TASOR: variants seen among roughly 807,000 people sequenced by gnomAD.
The protein encoded by TASOR is transcription activation suppressor.
TASOR carries 53 observed loss-of-function variants against 178.6 expected under a neutral mutation model. That is an observed-to-expected ratio of 0.30 (90% CI 0.24 to 0.37). TASOR has a LOEUF of 0.37. Among genes scored for constraint, TASOR ranks in the 10% least tolerant of loss-of-function variants. The pLI is 1.00. For missense variants in TASOR, 1,815 were observed against 1,971.4 expected, an observed-to-expected ratio of 0.92 and a Z score of 1.50; for synonymous variants, 713 against 696.2, an observed-to-expected ratio of 1.02 and a Z score of -0.38.
In TASOR at chr3:56,628,644, T is replaced by TA. The variant is rs775226109; in HGVS notation, c.3748-31dup. On this transcript the variant is annotated intron_variant, in intron 18 of 23. Coordinates refer to ENST00000683822, the MANE Select transcript of TASOR (RefSeq NM_001365635.2). ...TAAAGAAAAACAACTAAATCAATAT[T>TA]AAAATACTTCTTTGTAAACATCAAT... 9 of 1,417,786 alleles carry TA rather than the reference T, an allele frequency of 6.3e-6. No homozygotes were observed. The African/African-American group carries it at 1.3e-4, about 20-fold the overall frequency. The allele number at this position is 1,417,786 out of a possible 1,614,324, so 87.8% of individuals were successfully genotyped here. A position where few individuals can be genotyped will look rare whatever the true frequency, so the allele number is the denominator to read the frequency against.
Position 56,663,161 on chromosome 3 carries a change from C to T in TASOR, c.1054+380G>A, listed in dbSNP as rs138937410. Among the ~76,000 whole-genome samples, 1,023 of 151,816 alleles carry T rather than the reference C, an allele frequency of 6.7e-3. 9 individuals are homozygous for T. The highest frequency in any genetic ancestry group is 0.021 in the African/African-American group (877 of 41,404). On this transcript the variant is annotated intron_variant, in intron 8 of 23. Coordinates refer to ENST00000683822, the MANE Select transcript of TASOR (RefSeq NM_001365635.2). The stretch of plus-strand genomic sequence containing the variant: ...TCACGCCACTGCACCCCAGCCTGGG[C>T]GAGAGTAAGACTCTGTCTCAGAAAA...
intron 17 of TASOR, among the ~76,000 whole-genome samples, chr3:56,636,028 G>A (rs1336729456): frequency 6.6e-6 from 1 of 151,990 alleles, no homozygotes; most frequent in Non-Finnish European, 1.5e-5. Context: ...AACTGCTCAG[G>A]CACAGTGGCT....
At chr3:56,681,763 C>G (rs1406017984) in intron 1 of TASOR, among the ~76,000 whole-genome samples, 1 of 152,116 alleles carries the variant, frequency 6.6e-6, no homozygotes, top group Non-Finnish European at 1.5e-5. Context: ...TAACAAAAAA[C>G]GATACTAATT....
intron 17 of TASOR, 45 bp downstream of exon 17, chr3:56,638,661 T>A: frequency 6.2e-7 from 1 of 1,606,514 alleles, no homozygotes; most frequent in Non-Finnish European, 8.5e-7. Flanking sequence ...GTAGCAACTC[T>A]GAAGAAGGGC....
In TASOR at chr3:56,645,996, A is replaced by C. The variant is rs967999673; in HGVS notation, c.2215+526T>G. On this transcript the variant is annotated intron_variant, in intron 14 of 23. Coordinates refer to ENST00000683822, the MANE Select transcript of TASOR (RefSeq NM_001365635.2). ...ACCCCGTCTCTACTAAAAATACAAA[A>C]AATTAGCCGGGCATGGTGGCAGGCG... 2.0e-5 allele frequency among the ~76,000 whole-genome samples: 3 copies of C among 152,074 alleles called. No individual in the cohort carries two copies. The South Asian group carries it at 6.2e-4, about 31-fold the overall frequency.
chr3:56,656,782 C>G (rs570014873), intron 11 of TASOR, among the ~76,000 whole-genome samples: 3 of 151,882 alleles, frequency 2.0e-5, no homozygotes, highest in Non-Finnish European at 4.4e-5. Context: ...GAGGTCGAGG[C>G]AGGCAGATGA....
At chr3:56,667,155 G>GA (rs2030107823) in intron 6 of TASOR, among the ~76,000 whole-genome samples, 2 of 152,136 alleles carry the variant, frequency 1.3e-5, no homozygotes, top group African/African-American at 4.8e-5. Context: ...TACCAATATT[G>GA]CTACTGTCCA....
intron 1 of TASOR, among the ~76,000 whole-genome samples, chr3:56,682,388 G>A (rs545569391): frequency 6.6e-5 from 10 of 151,898 alleles, no homozygotes; most frequent in Non-Finnish European, 1.5e-4. Context: ...GGGAGGGAGG[G>A]GCGCCGAGCA....
intron 14 of TASOR, among the ~76,000 whole-genome samples, chr3:56,645,914 C>T (rs1351529343): frequency 2.0e-5 from 3 of 152,056 alleles, no homozygotes; most frequent in African/African-American, 7.2e-5. Flanking sequence ...TTTGGGAGGC[C>T]GAGGCAGGCG....
chr3:56,671,503 G>A, intron 3 of TASOR, 97 bp downstream of exon 3: 2 of 812,318 alleles, frequency 2.5e-6, no homozygotes, highest in Non-Finnish European at 3.8e-6. Context: ...TATCAAAAAA[G>A]TCTGTAATTG....
chr3:56,621,801 T>C lies in TASOR; in HGVS notation c.*1236A>G, dbSNP rs1229731015. 1 of 316,058 alleles carries C rather than the reference T, an allele frequency of 3.2e-6. No individual in the cohort carries two copies. The highest frequency in any genetic ancestry group is 2.2e-5 in the African/African-American group (1 of 44,806). 19.6% of individuals were successfully genotyped at this position (316,058 alleles called of 1,614,324 possible). On this transcript the variant is annotated 3_prime_UTR_variant, in exon 24 of 24. Coordinates refer to ENST00000683822, the MANE Select transcript of TASOR (RefSeq NM_001365635.2). ...CTATACAATAAAACAGATACTTCTTTTGTAAAAGCTTAGTAGTAAAAAAAA... is the reference window on the plus strand; with the variant it reads ...CTATACAATAAAACAGATACTTCTTCTGTAAAAGCTTAGTAGTAAAAAAAA...
At chr3:56,631,773 G>A (rs2076920301) in intron 18 of TASOR, among the ~76,000 whole-genome samples, 3 of 151,840 alleles carry the variant, frequency 2.0e-5, no homozygotes, top group South Asian at 2.1e-4. Flanking sequence ...TAGTACAGAC[G>A]GGGTTTTCAC....
intron 1 of TASOR, among the ~76,000 whole-genome samples, chr3:56,681,916 TAGA>T (rs1288569885): frequency 2.0e-5 from 3 of 152,196 alleles, no homozygotes; most frequent in Non-Finnish European, 4.4e-5. Flanking sequence ...TTCTACCATC[TAGA>T]AGACCAAGTT....
intron 17 of TASOR, 37 bp from the exon 18 acceptor site, chr3:56,634,003 A>G: frequency 6.9e-7 from 1 of 1,453,060 alleles, no homozygotes; most frequent in Non-Finnish European, 9.1e-7. Flanking sequence ...AGAGCAATCC[A>G]AAAAGATAAG....
intron 13 of TASOR, among the ~76,000 whole-genome samples, chr3:56,648,357 G>A (rs896310231): frequency 6.6e-6 from 1 of 152,100 alleles, no homozygotes; most frequent in African/African-American, 2.4e-5. Flanking sequence ...GCCAGGCACA[G>A]TGGCTCATGC....
intron 9 of TASOR, among the ~76,000 whole-genome samples, 193 bp from the exon 10 acceptor site, chr3:56,661,210 G>A (rs116961310): frequency 0.01 from 1,561 of 152,234 alleles, 16 homozygotes; most frequent in Middle Eastern, 0.062. Flanking sequence ...GCAGTGGTGC[G>A]ATCACAGCTC....
chr3:56,681,534 C>A (rs1027110462), intron 1 of TASOR, among the ~76,000 whole-genome samples: 10 of 152,124 alleles, frequency 6.6e-5, no homozygotes, highest in Non-Finnish European at 1.5e-4. Context: ...TCAAACAATT[C>A]CAGTAGTGCA....
chr3:56,640,594 C>T (rs1052113799), intron 15 of TASOR, among the ~76,000 whole-genome samples: 1 of 152,104 alleles, frequency 6.6e-6, no homozygotes, highest in African/African-American at 2.4e-5. Context: ...CAATAACCCT[C>T]CTGCCATCAT....
intron 21 of TASOR, 86 bp downstream of exon 21, chr3:56,626,951 A>G (rs2076812692): frequency 1.2e-6 from 1 of 815,880 alleles, no homozygotes. Flanking sequence ...ATGAACATCC[A>G]TAATCTACAA....
Sources: allele counts gnomAD v4.1 joint callset (sites outside exome capture counted in the v4.1 genomes callset), GRCh38; gene constraint gnomAD v4.1.1; transcripts MANE v1.5; gene names NCBI Gene and HGNC (gene_info 2026-07-23, HGNC 2026-07-21).